FRMD6: variants seen among roughly 807,000 people sequenced by gnomAD.
The protein encoded by FRMD6 is FERM domain-containing protein 6.
A neutral mutation model predicts 73.2 loss-of-function variants in FRMD6; 37 were observed. That is an observed-to-expected ratio of 0.51 (90% CI 0.39 to 0.66). FRMD6 has a LOEUF of 0.66. Ranked by LOEUF, FRMD6 falls within the 30% of genes least tolerant of loss-of-function variation. FRMD6 has a pLI of 0.00. For synonymous variants in FRMD6, 273 were observed against 282.2 expected (o/e 0.97, Z 0.33); for missense variants, 714 against 780.5 (o/e 0.91, Z 1.02).
chr14:51,585,939 G>GTGTGTGTGTGTGTA lies in FRMD6; in HGVS notation c.-147+15530_-147+15531insGTGTGTGTGTGTAT. ...TGCCATGGCATGTGTGTGTGTGTGT[G>GTGTGTGTGTGTGTA]TATATATATATATATATATATAACA... On this transcript the variant is annotated intron_variant, in intron 2 of 14. Transcript: ENST00000356218. 1.1e-3 allele frequency among the ~76,000 whole-genome samples: 36 copies of GTGTGTGTGTGTGTA among 31,416 alleles called. 1 individual carries two copies. The highest frequency in any genetic ancestry group is 2.5e-3 in the African/African-American group (36 of 14,638). 20.6% of individuals were successfully genotyped at this position (31,416 alleles called of 152,430 possible).
At chr14:51,618,891 TTATTA>T (rs1450230731) in intron 2 of FRMD6, among the ~76,000 whole-genome samples, 3 of 149,526 alleles carry the variant, frequency 2.0e-5, no homozygotes, top group African/African-American at 7.3e-5. Context: ...TGAATATATA[TTATTA>T]TATATGATAT....
intron 1 of FRMD6, among the ~76,000 whole-genome samples, chr14:51,496,489 G>A (rs1409878345): frequency 6.6e-6 from 1 of 152,184 alleles, no homozygotes; most frequent in Non-Finnish European, 1.5e-5. Flanking sequence ...GGTTGGAATA[G>A]CTGGGACTCT....
intron 2 of FRMD6, among the ~76,000 whole-genome samples, chr14:51,622,348 A>G (rs1172100607): frequency 2.0e-5 from 3 of 152,152 alleles, no homozygotes. Context: ...ATTTGCACGA[A>G]CAGGGTGCAA....
the FRMD6 span, among the ~76,000 whole-genome samples, chr14:51,416,455 G>A: frequency 1.3e-5 from 2 of 152,204 alleles, no homozygotes; most frequent in African/African-American, 2.4e-5. Flanking sequence ...CCATGTAGTT[G>A]TGCGGTTTTG....
At chr14:51,543,850 C>CACGCTTT (rs1886326979) in intron 1 of FRMD6, among the ~76,000 whole-genome samples, 2 of 151,994 alleles carry the variant, frequency 1.3e-5, no homozygotes, top group African/African-American at 4.8e-5. Flanking sequence ...GTGGACCGAA[C>CACGCTTT]TAGAATAGAC....
At chr14:51,509,548 CA>C (rs757010582) in intron 1 of FRMD6, among the ~76,000 whole-genome samples, 8 of 151,918 alleles carry the variant, frequency 5.3e-5, no homozygotes, top group Admixed American at 1.3e-4. Context: ...CAAAACAAAA[CA>C]AAACAAAACA....
rs191477782 is a variant in FRMD6, at chr14:51,709,911, G to A, written c.715-1620G>A. ...TAATCCTGAGCTGTCTATTAAGTGGGGATGATACAATATGCTTCACAAGGT... is the reference window on the plus strand; with the variant it reads ...TAATCCTGAGCTGTCTATTAAGTGGAGATGATACAATATGCTTCACAAGGT... On this transcript the variant is annotated intron_variant, in intron 7 of 13. Coordinates refer to ENST00000344768, the MANE Select transcript of FRMD6 (RefSeq NM_001267046.2). 2.9e-3 allele frequency among the ~76,000 whole-genome samples: 434 copies of A among 152,164 alleles called. 4 individuals are homozygous for A. The highest frequency in any genetic ancestry group is 1.5e-3 in the Non-Finnish European group (100 of 68,002).
At chr14:51,441,141 C>T in the FRMD6 span, among the ~76,000 whole-genome samples, 1 of 152,248 alleles carries the variant, frequency 6.6e-6, no homozygotes, top group African/African-American at 2.4e-5. Flanking sequence ...TAAACCCAAC[C>T]TCCACTGGTG....
At chr14:51,716,006 G>A (rs915264441) in intron 10 of FRMD6, among the ~76,000 whole-genome samples, 1 of 152,208 alleles carries the variant, frequency 6.6e-6, no homozygotes, top group African/African-American at 2.4e-5. Flanking sequence ...CCCCAAGTCT[G>A]TTCTAGCAAG....
intron 2 of FRMD6, among the ~76,000 whole-genome samples, chr14:51,622,318 T>C (rs1205032670): frequency 6.6e-6 from 1 of 152,212 alleles, no homozygotes; most frequent in Non-Finnish European, 1.5e-5. Flanking sequence ...TTCATTTTTA[T>C]ACCTAATTTT....
intron 1 of FRMD6, among the ~76,000 whole-genome samples, chr14:51,683,879 G>T (rs2140320011): frequency 6.6e-6 from 1 of 152,230 alleles, no homozygotes; most frequent in South Asian, 2.1e-4. Flanking sequence ...ATGAGGTTAA[G>T]CCATATCAAA....
upstream of FRMD6, among the ~76,000 whole-genome samples, chr14:51,649,111 C>T (rs112677280): frequency 2.6e-5 from 4 of 152,246 alleles, 1 homozygote; most frequent in African/African-American, 9.6e-5. Flanking sequence ...ACAACACATC[C>T]TTTCTCAGCT....
chr14:51,467,105 G>C, the FRMD6 span, among the ~76,000 whole-genome samples: 2 of 152,124 alleles, frequency 1.3e-5, no homozygotes, highest in Non-Finnish European at 2.9e-5. Flanking sequence ...CTAGGCAGAG[G>C]GCCCTGCCGC....
At chr14:51,564,819 T>G (rs185331132) in intron 1 of FRMD6, among the ~76,000 whole-genome samples, 116 of 152,326 alleles carry the variant, frequency 7.6e-4, no homozygotes, top group East Asian at 2.1e-3. Context: ...AGAAAGTTTA[T>G]CAACATGTGG....
chr14:51,570,898 G>A (rs1950935), intron 2 of FRMD6, among the ~76,000 whole-genome samples: 124,097 of 152,238 alleles, frequency 0.82, 50,965 homozygotes, highest in African/African-American at 0.9. Flanking sequence ...TACTATCTTT[G>A]TGACAACTTA....
intron 1 of FRMD6, among the ~76,000 whole-genome samples, chr14:51,546,407 C>T (rs60568945): frequency 0.64 from 76,603 of 120,058 alleles, 20,847 homozygotes; most frequent in South Asian, 0.69. Context: ...TTTTTTTTTT[C>T]TTTTTTTAAA....
chr14:51,702,790 TA>T (rs1896404794), intron 5 of FRMD6, among the ~76,000 whole-genome samples: 1 of 152,034 alleles, frequency 6.6e-6, no homozygotes, highest in Non-Finnish European at 1.5e-5. Context: ...AGGCATTCAG[TA>T]AATATTTGTT....
intron 2 of FRMD6, among the ~76,000 whole-genome samples, chr14:51,608,152 C>T (rs56168634): frequency 0.092 from 14,055 of 152,230 alleles, 692 homozygotes; most frequent in African/African-American, 0.11. Context: ...AGCTAGGAGC[C>T]TACGAGCTGT....
chr14:51,708,239 A>C lies in FRMD6; in HGVS notation c.714+6A>C. 6.2e-7 allele frequency: 1 copy of C among 1,611,342 alleles called. No homozygotes were observed. The highest frequency in any genetic ancestry group is 1.1e-5 in the South Asian group (1 of 90,792). On this transcript the variant is annotated splice_donor_region_variant and intron_variant, in intron 7 of 13. Coordinates refer to ENST00000344768, the MANE Select transcript of FRMD6 (RefSeq NM_001267046.2). ...ATTACTACAGATTGTATAAGGTATG[A>C]AACGGCAACTAAGTCTTCAGCTTCT...
Sources: gnomAD v4.1 joint callset for allele counts (sites outside exome capture counted in the v4.1 genomes callset) on GRCh38, gnomAD v4.1.1 for gene constraint, MANE v1.5 for transcripts, NCBI Gene and HGNC (gene_info 2026-07-23, HGNC 2026-07-21) for gene names.